The following PRKCE variants were observed in gnomAD, a reference collection of about 807,000 sequenced individuals.
The protein encoded by PRKCE is protein kinase C epsilon.
PRKCE carries 16 observed loss-of-function variants against 85.4 expected under a neutral mutation model. That is an observed-to-expected ratio of 0.19 (90% CI 0.13 to 0.28). The LOEUF (loss-of-function observed/expected upper bound fraction) is 0.28, where lower values mean the gene tolerates loss of function less well. Ranked by LOEUF, PRKCE falls within the 10% of genes least tolerant of loss-of-function variation. PRKCE has a pLI of 1.00. For missense variants in PRKCE, 573 were observed against 975.2 expected, an observed-to-expected ratio of 0.59 and a Z score of 5.49; for synonymous variants, 388 against 371.5, an observed-to-expected ratio of 1.04 and a Z score of -0.51.
At chr2:45,674,089 TA>T (rs1396493223) in intron 1 of PRKCE, among the ~76,000 whole-genome samples, 1 of 152,220 alleles carries the variant, frequency 6.6e-6, no homozygotes, top group Non-Finnish European at 1.5e-5. Context: ...TATTGGAAAA[TA>T]TTTTTTAAAA....
chr2:45,723,097 TC>T (rs1680755382), intron 1 of PRKCE, among the ~76,000 whole-genome samples: 1 of 152,222 alleles, frequency 6.6e-6, no homozygotes, highest in African/African-American at 2.4e-5. Flanking sequence ...TGAGACTGTC[TC>T]AAAACAACAA....
intron 1 of PRKCE, among the ~76,000 whole-genome samples, chr2:45,791,044 G>C (rs981016106): frequency 6.6e-6 from 1 of 152,152 alleles, no homozygotes; most frequent in African/African-American, 2.4e-5. Context: ...CTCCACCTCC[G>C]CACAAACGTC....
intron 10 of PRKCE, among the ~76,000 whole-genome samples, chr2:46,070,569 G>A (rs1009207298): frequency 6.6e-6 from 1 of 152,160 alleles, no homozygotes; most frequent in South Asian, 2.1e-4. Context: ...CTTGAACCCT[G>A]GAGGTGGAGG....
At chr2:45,666,124 A>C (rs1259571266) in intron 1 of PRKCE, among the ~76,000 whole-genome samples, 1 of 152,166 alleles carries the variant, frequency 6.6e-6, no homozygotes, top group Non-Finnish European at 1.5e-5. Flanking sequence ...GAAGGTGCAC[A>C]ATTCCTGGCC....
At chr2:45,924,158 T>C (rs548479627) in intron 2 of PRKCE, among the ~76,000 whole-genome samples, 32 of 152,272 alleles carry the variant, frequency 2.1e-4, no homozygotes, top group African/African-American at 7.5e-4. Flanking sequence ...ATGGGAACCT[T>C]TCCTTATGGG....
intron 11 of PRKCE, among the ~76,000 whole-genome samples, chr2:46,099,210 C>T (rs1670981169): frequency 6.6e-6 from 1 of 152,090 alleles, no homozygotes; most frequent in African/African-American, 2.4e-5. Flanking sequence ...CAAAGCCACC[C>T]ATAAGCTGAC....
chr2:45,772,894 T>G (rs7591316), intron 1 of PRKCE, among the ~76,000 whole-genome samples: 141,593 of 152,130 alleles, frequency 0.93, 66,323 homozygotes, highest in Non-Finnish European at 0.99. Context: ...TGACACCCTA[T>G]TGAGCCCCTG....
At chr2:45,928,392 C>T (rs1010646725) in intron 2 of PRKCE, among the ~76,000 whole-genome samples, 7 of 152,190 alleles carry the variant, frequency 4.6e-5, no homozygotes, top group Non-Finnish European at 8.8e-5. Flanking sequence ...CTCAGCTTCC[C>T]GAGTAGCTGG....
At chr2:45,811,017 C>A (rs1036350311) in intron 1 of PRKCE, among the ~76,000 whole-genome samples, 4 of 152,188 alleles carry the variant, frequency 2.6e-5, no homozygotes, top group Non-Finnish European at 1.5e-5. Context: ...CTTTCTCTTA[C>A]GGAAAGTTCC....
chr2:45,796,463 A>C (rs945316033), intron 1 of PRKCE, among the ~76,000 whole-genome samples: 1 of 152,222 alleles, frequency 6.6e-6, no homozygotes, highest in African/African-American at 2.4e-5. Context: ...TAATACAAGC[A>C]TTGGCTGCTA....
chr2:45,800,392 G>T (rs1203443977), intron 1 of PRKCE, among the ~76,000 whole-genome samples: 1 of 152,254 alleles, frequency 6.6e-6, no homozygotes, highest in East Asian at 1.9e-4. Flanking sequence ...GAGCAATCAG[G>T]TTGCCTATGT....
At chr2:45,679,735 G>T (rs1161585454) in intron 1 of PRKCE, among the ~76,000 whole-genome samples, 2 of 152,108 alleles carry the variant, frequency 1.3e-5, no homozygotes, top group African/African-American at 4.8e-5. Flanking sequence ...TGTAGTCTGC[G>T]GGTGTATGTG....
chr2:46,037,278 G>T (rs553787264), intron 10 of PRKCE, among the ~76,000 whole-genome samples: 3 of 152,300 alleles, frequency 2.0e-5, no homozygotes, highest in African/African-American at 7.2e-5. Flanking sequence ...TCCATTTCTG[G>T]ACTAAACAGG....
At chr2:45,934,195 C>A (rs1239136297) in intron 2 of PRKCE, among the ~76,000 whole-genome samples, 1 of 152,164 alleles carries the variant, frequency 6.6e-6, no homozygotes, top group Non-Finnish European at 1.5e-5. Context: ...CACTTCTGTC[C>A]CCACCAGTAG....
chr2:45,985,364 G>A (rs558102796), intron 6 of PRKCE, among the ~76,000 whole-genome samples: 1 of 152,156 alleles, frequency 6.6e-6, no homozygotes, highest in African/African-American at 2.4e-5. Flanking sequence ...ATAACACAGG[G>A]AGGTGGAAAT....
intron 2 of PRKCE, among the ~76,000 whole-genome samples, chr2:45,958,187 CCG>C (rs1160047381): frequency 3.1e-4 from 23 of 75,384 alleles, no homozygotes; most frequent in Admixed American, 9.5e-4. Context: ...TCTATTAGGC[CCG>C]CAAAAAAAAA....
rs1372927022 is a variant in PRKCE, at chr2:46,184,555, C to T, written c.2068-180C>T. Among the ~76,000 whole-genome samples the T allele has an allele frequency of 1.1e-4, 16 of 152,192 alleles. No individual in the cohort carries two copies. The highest frequency in any genetic ancestry group is 5.9e-5 in the Non-Finnish European group (4 of 68,028). On this transcript the variant is annotated intron_variant, in intron 14 of 14. Transcript: ENST00000306156. The surrounding 1 kb of genome is among the most constrained non-coding windows in gnomAD (Gnocchi z 5.0). Reference sequence around the variant, plus strand: ...ACTCATTCTTCCTCTCCTCGTCTCTCACCTCCGGGTCCTGGGGCCATCCAT... The same window carrying T: ...ACTCATTCTTCCTCTCCTCGTCTCTTACCTCCGGGTCCTGGGGCCATCCAT...
At chr2:45,927,361 C>T (rs929575616) in intron 2 of PRKCE, among the ~76,000 whole-genome samples, 2 of 152,188 alleles carry the variant, frequency 1.3e-5, no homozygotes, top group Non-Finnish European at 2.9e-5. Flanking sequence ...CTGTGCTAAG[C>T]ACTTTTATGT....
chr2:45,714,118 A>T (rs1225090308), intron 1 of PRKCE, among the ~76,000 whole-genome samples: 1 of 152,236 alleles, frequency 6.6e-6, no homozygotes, highest in Admixed American at 6.5e-5. Flanking sequence ...GTAGCCCCAA[A>T]CACTGTGCTA....
Sources: allele counts gnomAD v4.1 joint callset (sites outside exome capture counted in the v4.1 genomes callset), GRCh38; gene constraint gnomAD v4.1.1; non-coding constraint Gnocchi (gnomAD v3.1); transcripts MANE v1.5; gene names NCBI Gene and HGNC (gene_info 2026-07-23, HGNC 2026-07-21).